The following CHD9 variants were observed in gnomAD, a reference collection of about 807,000 sequenced individuals.
CHD9 encodes the protein ATP-dependent chromatin remodeler CHD9.
In CHD9, 77 loss-of-function variants were observed where a neutral mutation model predicts 316.1. That is an observed-to-expected ratio of 0.24 (90% confidence interval 0.20 to 0.29). The LOEUF is 0.29. Among genes scored for constraint, CHD9 ranks in the 10% least tolerant of loss-of-function variants. The pLI is 1.00. For missense variants in CHD9, 2,763 were observed against 3,438.1 expected, an observed-to-expected ratio of 0.80 and a Z score of 4.91; for synonymous variants, 1,129 against 1,158.3, an observed-to-expected ratio of 0.97 and a Z score of 0.51.
At chr16:53,096,948 C>A (rs1026482806) in intron 1 of CHD9, among the ~76,000 whole-genome samples, 4 of 151,776 alleles carry the variant, frequency 2.6e-5, no homozygotes, top group East Asian at 1.9e-4. Flanking sequence ...ACCCATTAAT[C>A]CATGAGTGGA....
At chr16:53,286,463 A>G (rs1180298671) in intron 26 of CHD9, 120 bp downstream of exon 26, 5 of 604,626 alleles carry the variant, frequency 8.3e-6, no homozygotes, top group African/African-American at 7.4e-5. Context: ...GGAGTTTACA[A>G]TCTGAAAGAG....
chr16:53,078,341 A>G (rs2034728659), intron 1 of CHD9, among the ~76,000 whole-genome samples: 2 of 152,136 alleles, frequency 1.3e-5, no homozygotes, highest in Non-Finnish European at 2.9e-5. Flanking sequence ...GGAAGGGGTT[A>G]GTTATCTTGG....
chr16:53,231,206 C>T (rs1452990369), intron 8 of CHD9, among the ~76,000 whole-genome samples: 1 of 152,056 alleles, frequency 6.6e-6, no homozygotes, highest in Non-Finnish European at 1.5e-5. Context: ...TCTAGAGTAC[C>T]TTATATTTTA....
chr16:53,297,198 A>G, intron 30 of CHD9, 40 bp downstream of exon 30: 1 of 1,475,686 alleles, frequency 6.8e-7, no homozygotes, highest in South Asian at 1.2e-5. Context: ...CGGTCAAAGA[A>G]GCAAAAATCA....
rs553701699 is a variant in CHD9 at position 53,253,228 on chromosome 16, A to G, written c.3862-1210A>G. ...GTGTGGTGTGTATATATGTGTGTGT[A>G]TATATATATATATATGATAGGATAC... On this transcript the variant is annotated intron_variant, in intron 17 of 38. Coordinates refer to ENST00000447540, the MANE Select transcript of CHD9 (RefSeq NM_001308319.2). Among the ~76,000 whole-genome samples, 323 of 140,438 alleles carry G rather than the reference A, an allele frequency of 2.3e-3. 5 individuals carry two copies. In the South Asian group the frequency reaches 0.038, roughly 16 times the overall value. The allele number at this position is 140,438 out of a possible 152,430, so 92.1% of individuals were successfully genotyped here. A position where few individuals can be genotyped will look rare whatever the true frequency, so the allele number is the denominator to read the frequency against.
intron 1 of CHD9, among the ~76,000 whole-genome samples, chr16:53,155,253 C>T (rs1490793853): frequency 3.3e-5 from 5 of 151,892 alleles, no homozygotes; most frequent in Admixed American, 2.6e-4. Context: ...GACAGTGTCT[C>T]ACTCTGTTGC....
At chr16:53,189,631 T>A (rs1232558417) in intron 2 of CHD9, among the ~76,000 whole-genome samples, 1 of 152,028 alleles carries the variant, frequency 6.6e-6, no homozygotes, top group East Asian at 1.9e-4. Flanking sequence ...AAGATACTGC[T>A]CTGCAGTTTG....
intron 24 of CHD9, among the ~76,000 whole-genome samples, chr16:53,277,444 C>A (rs1454363877): frequency 6.6e-6 from 1 of 152,056 alleles, no homozygotes; most frequent in Non-Finnish European, 1.5e-5. Context: ...GATGGTTTAA[C>A]ATATGCAAGT....
chr16:53,201,126 G>T (rs1439873488), intron 2 of CHD9, among the ~76,000 whole-genome samples: 1 of 152,130 alleles, frequency 6.6e-6, no homozygotes, highest in Non-Finnish European at 1.5e-5. Context: ...ACAATGTTAT[G>T]CTGAGAATAG....
chr16:53,075,709 C>T (rs960476777), intron 1 of CHD9, among the ~76,000 whole-genome samples: 7 of 152,218 alleles, frequency 4.6e-5, no homozygotes, highest in Admixed American at 6.5e-5. Flanking sequence ...GAGGCCTCCC[C>T]TGCCATGTGG....
chr16:53,301,052 A>G (rs62049791), intron 30 of CHD9, among the ~76,000 whole-genome samples: 47,234 of 152,060 alleles, frequency 0.31, 7,506 homozygotes, highest in Middle Eastern at 0.39. Flanking sequence ...CAGCGTGGGC[A>G]ACAGAGCAAG....
At chr16:53,124,277 C>T (rs1479164417) in intron 1 of CHD9, among the ~76,000 whole-genome samples, 1 of 151,974 alleles carries the variant, frequency 6.6e-6, no homozygotes, top group Non-Finnish European at 1.5e-5. Flanking sequence ...TAAGGGCATA[C>T]CTGAGTAGGG....
chr16:53,228,608 C>T (rs908781161), intron 7 of CHD9, among the ~76,000 whole-genome samples: 2 of 138,604 alleles, frequency 1.4e-5, no homozygotes, highest in African/African-American at 5.5e-5. Flanking sequence ...ACTGCAGTGG[C>T]GCAATCTCGG....
At chr16:53,058,269 T>C (rs2032410603) in intron 1 of CHD9, among the ~76,000 whole-genome samples, 1 of 152,038 alleles carries the variant, frequency 6.6e-6, no homozygotes, top group African/African-American at 2.4e-5. Flanking sequence ...TACAGGCACA[T>C]GCCACCACGC....
intron 2 of CHD9, among the ~76,000 whole-genome samples, chr16:53,180,763 C>CTA (rs1163520081): frequency 2.0e-5 from 3 of 151,988 alleles, no homozygotes; most frequent in Non-Finnish European, 4.4e-5. Context: ...AGCTCTGCCT[C>CTA]CCAGGTTCAC....
intron 1 of CHD9, among the ~76,000 whole-genome samples, chr16:53,108,603 G>T (rs977031549): frequency 6.6e-6 from 1 of 151,662 alleles, no homozygotes; most frequent in South Asian, 2.1e-4. Flanking sequence ...GGCCGGGCGC[G>T]GTGGCTCACT....
chr16:53,313,874 A>AC (rs1321097671), intron 34 of CHD9, among the ~76,000 whole-genome samples: 1 of 150,708 alleles, frequency 6.6e-6, no homozygotes, highest in East Asian at 2.0e-4. Context: ...AATAGCATGA[A>AC]CCCAGGGGGC....
intron 1 of CHD9, among the ~76,000 whole-genome samples, chr16:53,082,797 G>A (rs1033068130): frequency 1.3e-5 from 2 of 152,114 alleles, no homozygotes; most frequent in Non-Finnish European, 2.9e-5. Context: ...TCCAATTCCA[G>A]CACATCCTTC....
chr16:53,196,519 C>G (rs1272572115), intron 2 of CHD9, among the ~76,000 whole-genome samples: 4 of 152,180 alleles, frequency 2.6e-5, no homozygotes, highest in African/African-American at 9.7e-5. Flanking sequence ...CCTTATAATT[C>G]TGTCTGCCAC....
Sources: allele counts gnomAD v4.1 joint callset (sites outside exome capture counted in the v4.1 genomes callset), GRCh38; gene constraint gnomAD v4.1.1; transcripts MANE v1.5; gene names NCBI Gene and HGNC (gene_info 2026-07-23, HGNC 2026-07-21).